The following SHPK variants were observed in gnomAD, a reference collection of about 807,000 sequenced individuals.
SHPK encodes the protein sedoheptulokinase.
Under a neutral mutation model 46.3 loss-of-function variants are expected in SHPK, and 51 were observed. That is an observed-to-expected ratio of 1.10 (90% CI 0.88 to 1.39). SHPK has a LOEUF of 1.39. SHPK is among the 40% of genes most tolerant of loss of function. The pLI is 0.00. For missense variants in SHPK, 668 were observed against 641.3 expected, an observed-to-expected ratio of 1.04 and a Z score of -0.45; for synonymous variants, 290 against 273.9, an observed-to-expected ratio of 1.06 and a Z score of -0.58.
At chr17:3,626,112 G>A (rs1273955090) in intron 2 of SHPK, among the ~76,000 whole-genome samples, 1 of 152,114 alleles carries the variant, frequency 6.6e-6, no homozygotes, top group African/African-American at 2.4e-5. Context: ...GAATGCTGCT[G>A]TTGAAAAAAA....
rs2075313322 is a variant in SHPK, at chr17:3,608,411, G to T, written c.*2149C>A. On this transcript the variant is annotated 3_prime_UTR_variant, in exon 7 of 7. Coordinates refer to ENST00000225519, the MANE Select transcript of SHPK (RefSeq NM_013276.4). ...TCTGGTGCTTTGGGGCCCTAATGAA[G>T]TAAAAAAAGACTGACCTGAACAGAA... is the stretch of plus-strand genomic sequence containing the variant. 1 of 151,942 alleles carries T rather than the reference G, an allele frequency of 6.6e-6. No homozygotes were observed. Among genetic ancestry groups the T allele is most frequent in the Non-Finnish European group, 1.5e-5 (1 of 68,004 alleles). 9.4% of individuals were successfully genotyped at this position (151,942 alleles called of 1,614,324 possible). A position where few individuals can be genotyped will look rare whatever the true frequency, so the allele number is the denominator to read the frequency against.
chr17:3,621,439 T>C (rs1317716264), intron 4 of SHPK, 27 bp from the exon 5 acceptor site: 3 of 1,606,574 alleles, frequency 1.9e-6, no homozygotes, highest in Non-Finnish European at 2.6e-6. Flanking sequence ...GACACCCACA[T>C]GGACCCACAG....
At chr17:3,628,841 G>GT (rs1181503818) in intron 2 of SHPK, among the ~76,000 whole-genome samples, 2 of 152,040 alleles carry the variant, frequency 1.3e-5, no homozygotes, top group African/African-American at 4.8e-5. Flanking sequence ...TAGAGATGGG[G>GT]TCCCACTATG....
At chr17:3,629,199 C>T (rs1201424901) in intron 2 of SHPK, among the ~76,000 whole-genome samples, 5 of 152,134 alleles carry the variant, frequency 3.3e-5, no homozygotes, top group African/African-American at 1.2e-4. Flanking sequence ...GAACCTCAAC[C>T]TCTCATCCAC....
intron 2 of SHPK, among the ~76,000 whole-genome samples, chr17:3,624,454 C>T (rs1379205981): frequency 2.0e-5 from 3 of 152,054 alleles, no homozygotes; most frequent in African/African-American, 7.2e-5. Context: ...ATTTGCCCCA[C>T]TTCTCTGTTT....
rs1316750398 is a variant in SHPK at position 3,610,839 on chromosome 17, G to C, written c.1158C>G (p.Thr386=). The C allele has an allele frequency of 6.2e-7, 1 of 1,613,990 alleles. No homozygotes were observed. The highest frequency in any genetic ancestry group is 8.5e-7 in the Non-Finnish European group (1 of 1,180,024). The change falls in exon 7 of 7, where the codon ACC becomes ACG. Residue 386 remains threonine, a synonymous_variant. Coordinates refer to ENST00000225519, the MANE Select transcript of SHPK (RefSeq NM_013276.4). Reference sequence around the variant, plus strand: ...GGGAGAGGTCGGAGGAGGAGATTCTGGTCACTGAGGCCAGCTGGTCCGGCA... The same window carrying C: ...GGGAGAGGTCGGAGGAGGAGATTCTCGTCACTGAGGCCAGCTGGTCCGGCA... The part of the protein sequence containing the change: ...RHLPDQLASV[T]RISSSDLSLG...
chr17:3,618,230 C>T (rs563642471), intron 5 of SHPK, among the ~76,000 whole-genome samples: 7 of 152,088 alleles, frequency 4.6e-5, no homozygotes, highest in South Asian at 2.1e-4. Context: ...CTCAGCCTCC[C>T]GAGTAGCTGG....
At chr17:3,611,763 G>A (rs995431596) in intron 6 of SHPK, among the ~76,000 whole-genome samples, 10 of 149,684 alleles carry the variant, frequency 6.7e-5, no homozygotes, top group Admixed American at 2.0e-4. Context: ...AATCCCGATC[G>A]GACTTTTCTC....
At chr17:3,619,782 T>C (rs2075389380) in intron 5 of SHPK, 2 of 443,046 alleles carry the variant, frequency 4.5e-6, no homozygotes, top group South Asian at 3.5e-5. Flanking sequence ...ATGGCATCTC[T>C]CTCTCACTTA....
chr17:3,630,766 A>G (rs1380941213), intron 1 of SHPK, among the ~76,000 whole-genome samples: 4 of 152,222 alleles, frequency 2.6e-5, no homozygotes, highest in Non-Finnish European at 4.4e-5. Context: ...CAGGAGGCTG[A>G]GGCAGGAGAA....
intron 6 of SHPK, among the ~76,000 whole-genome samples, chr17:3,613,682 A>C (rs1008260551): frequency 3.9e-5 from 6 of 152,020 alleles, no homozygotes; most frequent in African/African-American, 1.5e-4. Flanking sequence ...TTATTTTTTA[A>C]ATCATGTGCT....
At chr17:3,621,508 C>G in intron 4 of SHPK, 96 bp from the exon 5 acceptor site, 1 of 1,153,684 alleles carries the variant, frequency 8.7e-7, no homozygotes, top group Non-Finnish European at 1.2e-6. Flanking sequence ...CTCTCCATTC[C>G]TCCCTCCCTT....
At chr17:3,627,318 T>A (rs1243611631) in intron 2 of SHPK, among the ~76,000 whole-genome samples, 1 of 152,086 alleles carries the variant, frequency 6.6e-6, no homozygotes, top group Non-Finnish European at 1.5e-5. Flanking sequence ...CACAGGCCTT[T>A]CAGAAGACAC....
chr17:3,635,818 G>A (rs2075518362), intron 1 of SHPK, among the ~76,000 whole-genome samples: 1 of 152,058 alleles, frequency 6.6e-6, no homozygotes, highest in Admixed American at 6.5e-5. Flanking sequence ...GAAGAAGCCA[G>A]AGAGTCGGGG....
chr17:3,622,311 A>G (rs1458499292), intron 4 of SHPK, among the ~76,000 whole-genome samples: 1 of 152,182 alleles, frequency 6.6e-6, no homozygotes, highest in African/African-American at 2.4e-5. Flanking sequence ...ACCTTCCAGG[A>G]AAGAAAACAA....
rs757145510 is a variant in SHPK at position 3,615,481 on chromosome 17, G to C, written c.880C>G (p.Pro294Ala). 1.9e-6 allele frequency: 3 copies of C among 1,614,182 alleles called. No individual in the cohort carries two copies. Among genetic ancestry groups the C allele is most frequent in the Admixed American group, 1.7e-5 (1 of 60,020 alleles). The change falls in exon 6 of 7, where the codon CCT (proline) becomes GCT (alanine). Residue 294 changes from proline (P) to alanine (A), a missense_variant. By Grantham distance (27) the Pro-to-Ala change is conservative (BLOSUM62 -1). Coordinates refer to ENST00000225519, the MANE Select transcript of SHPK (RefSeq NM_013276.4). ...LAASMPSGFQ[P>A]AQTPDPTAPV... ...GCCGTAGGGTCTGGAGTCTGTGCAG[G>C]CTGGAATCCTGAAGGCATGGAGGCT...
intron 1 of SHPK, among the ~76,000 whole-genome samples, chr17:3,630,826 G>T (rs945478707): frequency 1.2e-4 from 18 of 152,026 alleles, no homozygotes; most frequent in African/African-American, 4.3e-4. Flanking sequence ...ATCACGCCAC[G>T]GCACTCCAGC....
Position 3,615,406 on chromosome 17 carries a change from C to T in SHPK, c.955G>A (p.Ala319Thr), listed in dbSNP as rs115591129. 1.7e-3 allele frequency: 2,786 copies of T among 1,614,168 alleles called. 35 individuals carry two copies. The African/African-American group carries it at 0.033, about 19-fold the overall frequency. Residue 319 changes from alanine to threonine, a missense_variant, in exon 6 of 7, where the codon GCG becomes ACG. Transcript: ENST00000225519. The stretch of plus-strand genomic sequence containing the variant: ...AGCACATTGCCCCCGTTGAGTGACG[C>T]GGCCACCCCCAGGTAGGTCCTGTTG... ...YFNRTYLGVAASLNGGNVLAT... is the reference protein window; with the variant it reads ...YFNRTYLGVATSLNGGNVLAT...
Position 3,621,217 on chromosome 17 carries a change from A to G in SHPK, c.823+20T>C. 6.3e-7 allele frequency: 1 copy of G among 1,579,748 alleles called. No homozygotes were observed. Among genetic ancestry groups the G allele is most frequent in the Non-Finnish European group, 8.6e-7 (1 of 1,162,480 alleles). On this transcript the variant is annotated intron_variant, in intron 5 of 6. Transcript: ENST00000225519. ...CAGGCGACAGTGTAAGTCTGAGGAC[A>G]GAACAAAAGAAAAACTTACCTGCAT...
Sources: allele counts gnomAD v4.1 joint callset (sites outside exome capture counted in the v4.1 genomes callset), GRCh38; gene constraint gnomAD v4.1.1; transcripts MANE v1.5; gene names NCBI Gene and HGNC (gene_info 2026-07-23, HGNC 2026-07-21).